ZNF385D: variants seen among roughly 807,000 people sequenced by gnomAD.
ZNF385D encodes the protein zinc finger protein 659.
Under a neutral mutation model 35.8 loss-of-function variants are expected in ZNF385D, and 15 were observed. The observed-to-expected ratio is 0.42, with a 90% CI of 0.28 to 0.64. The LOEUF (loss-of-function observed/expected upper bound fraction) is 0.64. ZNF385D is among the 30% of genes least tolerant of loss of function. The pLI is 0.23. For synonymous variants in ZNF385D, 212 were observed against 186.8 expected, an observed-to-expected ratio of 1.13 and a Z score of -1.10; for missense variants, 474 against 494.6, an observed-to-expected ratio of 0.96 and a Z score of 0.39.
Position 22,053,325 on chromosome 3 carries a change from T to C in ZNF385D, c.325+115492A>G, listed in dbSNP as rs1286647699. 1.2e-4 allele frequency among the ~76,000 whole-genome samples: 6 copies of C among 48,600 alleles called. 1 individual carries two copies. The highest frequency in any genetic ancestry group is 4.7e-4 in the African/African-American group (6 of 12,726). The allele number at this position is 48,600 out of a possible 152,430, so 31.9% of individuals were successfully genotyped here. A position where few individuals can be genotyped will look rare whatever the true frequency, so the allele number is the denominator to read the frequency against. On this transcript the variant is annotated intron_variant, in intron 3 of 5. Coordinates refer to the ZNF385D transcript ENST00000494108. ...AAAAACCCTTCAAAAAATCAATGAA[T>C]CCAGGAGCTGGTTTTTTGAAAGGAT...
intron 3 of ZNF385D, among the ~76,000 whole-genome samples, chr3:21,847,329 T>G (rs1349780539): frequency 6.6e-6 from 1 of 152,066 alleles, no homozygotes; most frequent in Non-Finnish European, 1.5e-5. Context: ...TTAAGAAAGT[T>G]TGAAAATGTG....
chr3:21,511,755 C>T (rs1707226509), intron 3 of ZNF385D: 1 of 456,278 alleles, frequency 2.2e-6, no homozygotes, highest in South Asian at 1.5e-5. Flanking sequence ...TTGCTTGTGC[C>T]ATCTGAGATA....
chr3:22,195,530 A>G (rs569451017), intron 2 of ZNF385D, among the ~76,000 whole-genome samples: 4 of 152,154 alleles, frequency 2.6e-5, no homozygotes, highest in Non-Finnish European at 5.9e-5. Flanking sequence ...TTTCTCGTAT[A>G]TGTTCTACTA....
At position 21,945,447 on chromosome 3, in the gene ZNF385D, A is replaced by C. The variant is rs1013711006; in HGVS notation, c.325+223370T>G. Among the ~76,000 whole-genome samples the C allele has an allele frequency of 4.7e-4, 71 of 152,172 alleles. 6 individuals carry two copies. Among genetic ancestry groups the C allele is most frequent in the Non-Finnish European group, 2.9e-5 (2 of 68,012 alleles). On this transcript the variant is annotated intron_variant, in intron 3 of 5. Transcript: ENST00000494108. ...CATTTTAAGCCTGGTTTTTCTACTC[A>C]CTAGCTGTGAAAACTTCAACAACTC...
intron 2 of ZNF385D, among the ~76,000 whole-genome samples, chr3:22,260,230 A>T (rs1367576592): frequency 1.3e-5 from 2 of 151,978 alleles, no homozygotes. Flanking sequence ...CAGCAAACTA[A>T]CACAGGAACA....
chr3:22,191,574 T>C (rs955559841), intron 2 of ZNF385D, among the ~76,000 whole-genome samples: 2 of 152,128 alleles, frequency 1.3e-5, no homozygotes, highest in African/African-American at 2.4e-5. Flanking sequence ...GAGTTAATTC[T>C]AGGTGTAGAA....
At position 21,825,404 on chromosome 3, in the gene ZNF385D, T is replaced by C. The variant is rs115212784; in HGVS notation, c.326-160376A>G. On this transcript the variant is annotated intron_variant, in intron 3 of 5. Coordinates refer to the ZNF385D transcript ENST00000494108. The stretch of plus-strand genomic sequence containing the variant: ...AGTGTTTGTGTTTTGTCTCCCTACA[T>C]CAGTCAAATTGCTTTTAGCTTCAAA... 5.4e-3 allele frequency among the ~76,000 whole-genome samples: 817 copies of C among 152,314 alleles called. 10 individuals are homozygous for C. The highest frequency in any genetic ancestry group is 0.019 in the African/African-American group (788 of 41,570).
chr3:22,270,511 AAATT>A lies in ZNF385D; in HGVS notation c.107-101480_107-101477del, dbSNP rs1230097041. On this transcript the variant is annotated intron_variant, in intron 2 of 5. Transcript: ENST00000494108. ...CTCCCTGTTGGATAAACTTATAATT[AAATT>A]AATAGTAACTATTCCTCATTTTAAA... 3.3e-5 allele frequency among the ~76,000 whole-genome samples: 5 copies of A among 152,204 alleles called. No homozygotes were observed. The East Asian group carries it at 9.7e-4, about 30-fold the overall frequency.
intron 3 of ZNF385D, among the ~76,000 whole-genome samples, chr3:21,907,065 T>G (rs1197170091): frequency 2.0e-5 from 3 of 152,190 alleles, no homozygotes; most frequent in Non-Finnish European, 4.4e-5. Context: ...GCCTTTGTAC[T>G]AGGCCATTTG....
intron 4 of ZNF385D, among the ~76,000 whole-genome samples, chr3:21,497,527 CAG>C (rs1186996039): frequency 3.7e-4 from 56 of 152,230 alleles, no homozygotes; most frequent in African/African-American, 1.3e-3. Context: ...ACACTCTTCA[CAG>C]AATTATTTAA....
At chr3:22,162,529 C>G (rs1706028697) in intron 3 of ZNF385D, among the ~76,000 whole-genome samples, 1 of 152,136 alleles carries the variant, frequency 6.6e-6, no homozygotes. Context: ...CTGAGGGCAG[C>G]TCTGAGTTTA....
At chr3:21,715,142 T>A (rs1362814365) in intron 1 of ZNF385D, among the ~76,000 whole-genome samples, 3 of 152,172 alleles carry the variant, frequency 2.0e-5, no homozygotes. Context: ...AAGCGCAATT[T>A]TGTTACATGC....
intron 2 of ZNF385D, among the ~76,000 whole-genome samples, chr3:22,214,986 C>T (rs998849795): frequency 3.9e-5 from 6 of 151,948 alleles, no homozygotes; most frequent in South Asian, 2.1e-4. Flanking sequence ...GGGGGCATCA[C>T]GGAACCTGCC....
At chr3:21,929,749 G>A (rs1349776881) in intron 3 of ZNF385D, among the ~76,000 whole-genome samples, 1 of 151,938 alleles carries the variant, frequency 6.6e-6, no homozygotes, top group Non-Finnish European at 1.5e-5. Context: ...TTTAACAAAA[G>A]AGGGGCAATA....
intron 2 of ZNF385D, among the ~76,000 whole-genome samples, chr3:21,656,738 T>G (rs2066082463): frequency 6.6e-6 from 1 of 151,926 alleles, no homozygotes; most frequent in Non-Finnish European, 1.5e-5. Context: ...TTTTGCCATT[T>G]GCTAGCCATG....
At chr3:21,520,801 A>T (rs1206674333) in intron 3 of ZNF385D, among the ~76,000 whole-genome samples, 1 of 152,240 alleles carries the variant, frequency 6.6e-6, no homozygotes, top group Non-Finnish European at 1.5e-5. Context: ...AAATTCTTTT[A>T]AATATGCACA....
chr3:22,349,882 A>C (rs1254119742), intron 2 of ZNF385D, among the ~76,000 whole-genome samples: 1 of 152,184 alleles, frequency 6.6e-6, no homozygotes, highest in Non-Finnish European at 1.5e-5. Context: ...GACAATAACC[A>C]ATTAATAATA....
chr3:21,667,069 T>C (rs567822451), intron 1 of ZNF385D, among the ~76,000 whole-genome samples: 3 of 152,140 alleles, frequency 2.0e-5, no homozygotes, highest in Non-Finnish European at 4.4e-5. Context: ...AGAGCAAGAC[T>C]CTATTTCAAA....
At chr3:21,786,106 T>A (rs1399036475) in intron 3 of ZNF385D, among the ~76,000 whole-genome samples, 2 of 151,928 alleles carry the variant, frequency 1.3e-5, no homozygotes, top group Admixed American at 1.3e-4. Flanking sequence ...AATGGAGAGG[T>A]TCTCAGAGGT....
Sources: gnomAD v4.1 joint callset for allele counts (sites outside exome capture counted in the v4.1 genomes callset) on GRCh38, gnomAD v4.1.1 for gene constraint, MANE v1.5 for transcripts, NCBI Gene and HGNC (gene_info 2026-07-23, HGNC 2026-07-21) for gene names.